Variants in NEGR1 observed in about 807,000 individuals in gnomAD.
NEGR1 encodes neuronal growth regulator 1, also known as IgLON family member 4.
A neutral mutation model predicts 40.9 loss-of-function variants in NEGR1; 10 were observed. The ratio of observed to expected loss-of-function variants is 0.24; its 90% confidence interval spans 0.15 to 0.42. NEGR1 has a LOEUF of 0.42. Among genes scored for constraint, NEGR1 ranks in the 10% least tolerant of loss-of-function variants. NEGR1 has a pLI of 1.00. For missense variants in NEGR1, 352 were observed against 438.9 expected (o/e 0.80, Z 1.77); for synonymous variants, 185 against 166.8 (o/e 1.11, Z -0.84).
intron 1 of NEGR1, among the ~76,000 whole-genome samples, chr1:72,056,669 T>C (rs917256521): frequency 2.0e-5 from 3 of 151,514 alleles, no homozygotes; most frequent in Admixed American, 1.3e-4. Flanking sequence ...TTTTCACTAA[T>C]CTGTCCTCTA....
intron 1 of NEGR1, among the ~76,000 whole-genome samples, chr1:72,247,011 C>T (rs544138841): frequency 2.6e-5 from 4 of 152,318 alleles, no homozygotes; most frequent in East Asian, 1.9e-4. Context: ...TTCTGTGAGC[C>T]GTGGATAGAA....
chr1:71,904,794 T>C (rs1661231856), intron 2 of NEGR1, among the ~76,000 whole-genome samples: 1 of 152,134 alleles, frequency 6.6e-6, no homozygotes, highest in African/African-American at 2.4e-5. Context: ...AATGATGGCA[T>C]CTGGCAATTT....
At chr1:72,085,506 T>G (rs1648184575) in intron 1 of NEGR1, among the ~76,000 whole-genome samples, 1 of 152,222 alleles carries the variant, frequency 6.6e-6, no homozygotes, top group Non-Finnish European at 1.5e-5. Context: ...CTAGGTGTGT[T>G]CTGCACATTT....
rs983760669 is a variant in NEGR1, at chr1:71,406,372, AAAAT to A, written c.*1070_*1073del. 1 of 151,934 alleles carries A rather than the reference AAAAT, an allele frequency of 6.6e-6. No homozygotes were observed. The highest frequency in any genetic ancestry group is 2.4e-5 in the African/African-American group (1 of 41,426). 9.4% of individuals were successfully genotyped at this position (151,934 alleles called of 1,614,324 possible). Reference sequence around the variant, plus strand: ...CATACTAACTTAGCTGCCACAAAATAAAATTAATGATGAGCGCTTACCAACTCTT... The same window carrying A: ...CATACTAACTTAGCTGCCACAAAATATAATGATGAGCGCTTACCAACTCTT... On this transcript the variant is annotated 3_prime_UTR_variant, in exon 7 of 7. Transcript: ENST00000357731.
At chr1:71,998,211 A>C (rs1039980685) in intron 1 of NEGR1, among the ~76,000 whole-genome samples, 1 of 151,860 alleles carries the variant, frequency 6.6e-6, no homozygotes, top group Non-Finnish European at 1.5e-5. Context: ...CATAATACTT[A>C]TCTCAAAGGT....
At chr1:71,419,660 C>T (rs1299263524) in intron 6 of NEGR1, among the ~76,000 whole-genome samples, 2 of 151,974 alleles carry the variant, frequency 1.3e-5, no homozygotes, top group Non-Finnish European at 2.9e-5. Context: ...GTTTTGTCTC[C>T]TCTTGTATTT....
In NEGR1 at chr1:72,278,343, T is replaced by C. The variant is rs191128386; in HGVS notation, c.176+3976A>G. Among the ~76,000 whole-genome samples, 28 of 152,150 alleles carry C rather than the reference T, an allele frequency of 1.8e-4. No individual in the cohort carries two copies. The East Asian group carries it at 4.6e-3, about 25-fold the overall frequency. The stretch of plus-strand genomic sequence containing the variant: ...GGCGGCTAAAAAAGTACAAACTTCA[T>C]AGAGAAGGGCTGAATAAGAAACAGA... On this transcript the variant is annotated intron_variant, in intron 1 of 6. Coordinates refer to ENST00000357731, the MANE Select transcript of NEGR1 (RefSeq NM_173808.3).
chr1:72,174,133 T>C (rs1341875797), intron 1 of NEGR1, among the ~76,000 whole-genome samples: 1 of 152,198 alleles, frequency 6.6e-6, no homozygotes, highest in African/African-American at 2.4e-5. Context: ...AATTTACTGG[T>C]ATGAAGATGT....
chr1:71,648,738 C>T (rs1651612869), intron 4 of NEGR1, among the ~76,000 whole-genome samples: 1 of 152,002 alleles, frequency 6.6e-6, no homozygotes, highest in Non-Finnish European at 1.5e-5. Context: ...CTTTAGTTTG[C>T]TTTTCCTTGA....
At chr1:71,549,360 A>G (rs1475252835) in intron 6 of NEGR1, among the ~76,000 whole-genome samples, 1 of 151,674 alleles carries the variant, frequency 6.6e-6, no homozygotes, top group African/African-American at 2.4e-5. Context: ...TCTTTGTTCA[A>G]CTTGGCGGGG....
intron 1 of NEGR1, among the ~76,000 whole-genome samples, chr1:72,030,309 T>C (rs1213882826): frequency 6.6e-6 from 1 of 151,952 alleles, no homozygotes; most frequent in East Asian, 1.9e-4. Context: ...AGGGTTTAAA[T>C]GATTCTCGTG....
At chr1:71,613,421 T>G (rs1206881686) in intron 4 of NEGR1, among the ~76,000 whole-genome samples, 1 of 151,662 alleles carries the variant, frequency 6.6e-6, no homozygotes, top group East Asian at 1.9e-4. Context: ...CCGAGGCGGG[T>G]GGATCACCTG....
chr1:71,527,616 A>T (rs1279831121), intron 6 of NEGR1, among the ~76,000 whole-genome samples: 1 of 151,576 alleles, frequency 6.6e-6, no homozygotes, highest in Non-Finnish European at 1.5e-5. Context: ...GTACACTATC[A>T]CAATCTATGA....
intron 1 of NEGR1, among the ~76,000 whole-genome samples, chr1:72,018,300 T>G (rs1329877265): frequency 2.0e-5 from 3 of 152,174 alleles, no homozygotes; most frequent in Non-Finnish European, 2.9e-5. Flanking sequence ...TTGCCTTTAA[T>G]AAACTCATAG....
At chr1:71,899,194 T>A (rs1557693054) in intron 2 of NEGR1, among the ~76,000 whole-genome samples, 1 of 151,166 alleles carries the variant, frequency 6.6e-6, no homozygotes, top group Non-Finnish European at 1.5e-5. Flanking sequence ...GCTGAATGTA[T>A]TTTTCATTGG....
chr1:71,948,480 G>GAC (rs1481335221), intron 1 of NEGR1, among the ~76,000 whole-genome samples: 30 of 122,302 alleles, frequency 2.5e-4, no homozygotes, highest in African/African-American at 1.0e-3. Flanking sequence ...CTTCAAAAGG[G>GAC]GCGTGTGTGT....
chr1:71,712,488 C>T (rs1429021984), intron 3 of NEGR1, among the ~76,000 whole-genome samples: 2 of 152,142 alleles, frequency 1.3e-5, no homozygotes, highest in South Asian at 2.1e-4. Context: ...ATTATATTAG[C>T]TTTGTGACTT....
At chr1:72,030,460 A>C (rs573093966) in intron 1 of NEGR1, among the ~76,000 whole-genome samples, 1 of 152,192 alleles carries the variant, frequency 6.6e-6, no homozygotes, top group Non-Finnish European at 1.5e-5. Flanking sequence ...ATTTAAAATC[A>C]AATACCATAC....
Position 72,211,718 on chromosome 1 carries a change from A to G in NEGR1, c.176+70601T>C, listed in dbSNP as rs543774734. Among the ~76,000 whole-genome samples the G allele has an allele frequency of 2.6e-4, 40 of 151,848 alleles. No homozygotes were observed. The South Asian group carries it at 7.0e-3, about 27-fold the overall frequency. ...TCCATTCTAATTTCCAGTAAGATAA[A>G]TATTGATAGACCTAACTACATAAAT... On this transcript the variant is annotated intron_variant, in intron 1 of 6. Transcript: ENST00000357731.
Sources: allele counts gnomAD v4.1 joint callset (sites outside exome capture counted in the v4.1 genomes callset), GRCh38; gene constraint gnomAD v4.1.1; transcripts MANE v1.5; gene names NCBI Gene and HGNC (gene_info 2026-07-23, HGNC 2026-07-21).